Variants in ZC3H12B observed in about 807,000 individuals in gnomAD.
The protein encoded by ZC3H12B is zinc finger CCCH-type containing 12B, also known as probable ribonuclease ZC3H12B.
Under a neutral mutation model 43.9 loss-of-function variants are expected in ZC3H12B, and 7 were observed. The observed-to-expected ratio is 0.16, with a 90% CI of 0.09 to 0.30. The LOEUF is 0.30. Among genes scored for constraint, ZC3H12B ranks in the 10% least tolerant of loss-of-function variants. ZC3H12B has a pLI of 1.00. For missense variants in ZC3H12B, 475 were observed against 670.2 expected (o/e 0.71, Z 3.22); for synonymous variants, 222 against 241.7 (o/e 0.92, Z 0.76).
At chrX:65,113,106 C>T in the ZC3H12B span, among the ~76,000 whole-genome samples, 1 of 110,924 alleles carries the variant, frequency 9.0e-6, no homozygotes, top group African/African-American at 3.3e-5. Context: ...TAAAGGCTTC[C>T]GTGGAGGAAG....
the ZC3H12B span, among the ~76,000 whole-genome samples, chrX:65,216,754 A>G: frequency 8.9e-6 from 1 of 111,914 alleles, no homozygotes; most frequent in South Asian, 3.7e-4. Context: ...TTACAACATG[A>G]GTACTAGCTG....
the ZC3H12B span, among the ~76,000 whole-genome samples, chrX:65,228,772 T>A: frequency 9.0e-6 from 1 of 111,396 alleles, no homozygotes; most frequent in Non-Finnish European, 1.9e-5. Context: ...ATAAGTGAAC[T>A]CCCATTCACA....
the ZC3H12B span, among the ~76,000 whole-genome samples, chrX:65,092,385 G>A: frequency 2.7e-5 from 3 of 111,799 alleles, no homozygotes; most frequent in Non-Finnish European, 5.6e-5. Context: ...ATGGGCAAAG[G>A]TTGGAAGCAT....
chrX:65,280,524 A>G, the ZC3H12B span, among the ~76,000 whole-genome samples: 4 of 112,043 alleles, frequency 3.6e-5, no homozygotes, highest in Non-Finnish European at 7.5e-5. Context: ...TATTCAACAT[A>G]GTACTGAAAG....
chrX:65,128,261 T>C, the ZC3H12B span, among the ~76,000 whole-genome samples: 1 of 112,135 alleles, frequency 8.9e-6, no homozygotes, highest in Non-Finnish European at 1.9e-5. Context: ...ATTTTGATGT[T>C]ATATTTTTGT....
At chrX:65,349,373 A>G in the ZC3H12B span, among the ~76,000 whole-genome samples, 58 of 112,324 alleles carry the variant, frequency 5.2e-4, no homozygotes, top group African/African-American at 1.8e-3. Context: ...CACTGTGTAG[A>G]GGGAAGTTTA....
the ZC3H12B span, among the ~76,000 whole-genome samples, chrX:65,106,035 A>C: frequency 2.7e-5 from 3 of 112,054 alleles, no homozygotes; most frequent in African/African-American, 9.7e-5. Flanking sequence ...AGTGTGACAC[A>C]CTTAATTCAT....
At chrX:65,440,794 T>C (rs1197309967) in intron 3 of ZC3H12B, among the ~76,000 whole-genome samples, 2 of 112,329 alleles carry the variant, frequency 1.8e-5, no homozygotes, top group East Asian at 2.8e-4. Context: ...ACCTGATTTT[T>C]TCTTAATTAC....
At chrX:65,383,442 A>G (rs1223678360) in intron 2 of ZC3H12B, among the ~76,000 whole-genome samples, 1 of 111,946 alleles carries the variant, frequency 8.9e-6, no homozygotes, top group African/African-American at 3.3e-5. Flanking sequence ...CACCTTATAC[A>G]AAAATCAATT....
intron 3 of ZC3H12B, among the ~76,000 whole-genome samples, chrX:65,425,257 G>A (rs918058715): frequency 1.0e-4 from 11 of 110,039 alleles, no homozygotes; most frequent in East Asian, 2.8e-4. Context: ...TCATGATTTC[G>A]CTCTCTGCTT....
chrX:65,221,437 C>T, the ZC3H12B span, among the ~76,000 whole-genome samples: 1 of 111,280 alleles, frequency 9.0e-6, no homozygotes, highest in South Asian at 3.7e-4. Flanking sequence ...AATTGACAGA[C>T]CATTCACAAA....
At chrX:65,293,101 C>T in the ZC3H12B span, among the ~76,000 whole-genome samples, 1 of 111,881 alleles carries the variant, frequency 8.9e-6, no homozygotes. Flanking sequence ...ATTACATGAT[C>T]ATCTAAATAA....
chrX:65,128,769 A>T, the ZC3H12B span, among the ~76,000 whole-genome samples: 2 of 111,951 alleles, frequency 1.8e-5, no homozygotes, highest in Admixed American at 1.9e-4. Flanking sequence ...GCTGAGACTT[A>T]CTGGTGAATT....
At chrX:65,247,213 C>T in the ZC3H12B span, among the ~76,000 whole-genome samples, 1 of 112,089 alleles carries the variant, frequency 8.9e-6, no homozygotes, top group Non-Finnish European at 1.9e-5. Flanking sequence ...ATCAGAATGA[C>T]TATTATTAAA....
chrX:65,112,895 C>G, the ZC3H12B span, among the ~76,000 whole-genome samples: 1 of 111,988 alleles, frequency 8.9e-6, no homozygotes, highest in African/African-American at 3.2e-5. Context: ...TTAAGAAATA[C>G]ATTTCATAAG....
chrX:65,336,225 CAAAG>C, the ZC3H12B span, among the ~76,000 whole-genome samples: 1 of 112,643 alleles, frequency 8.9e-6, no homozygotes, highest in Non-Finnish European at 1.9e-5. Flanking sequence ...TTTGCACAAA[CAAAG>C]AAGCTGGAAA....
chrX:65,245,932 AAAAG>A, the ZC3H12B span, among the ~76,000 whole-genome samples: 3 of 111,581 alleles, frequency 2.7e-5, no homozygotes, highest in Admixed American at 9.5e-5. Context: ...TTAAAAAAAA[AAAAG>A]AAAGGGCATC....
the ZC3H12B span, among the ~76,000 whole-genome samples, chrX:65,178,205 G>T: frequency 1.8e-5 from 2 of 112,337 alleles, no homozygotes; most frequent in Non-Finnish European, 3.8e-5. Context: ...AAACTGGCTA[G>T]CCATATGCAG....
chrX:65,392,527 C>T (rs141918733), intron 2 of ZC3H12B, among the ~76,000 whole-genome samples: 1,595 of 111,433 alleles, frequency 0.014, 26 homozygotes, highest in Admixed American at 0.055. Context: ...CGCCCCCGCC[C>T]GGTAGCCACC....
Sources: allele counts gnomAD v4.1 joint callset (sites outside exome capture counted in the v4.1 genomes callset), GRCh38; gene constraint gnomAD v4.1.1; transcripts MANE v1.5; gene names NCBI Gene and HGNC (gene_info 2026-07-23, HGNC 2026-07-21).